The following SGCD variants were observed in gnomAD, a reference collection of about 807,000 sequenced individuals.
SGCD encodes sarcoglycan delta, also known as delta-sarcoglycan.
SGCD carries 18 observed loss-of-function variants against 36.6 expected under a neutral mutation model. The observed-to-expected ratio is 0.49, with a 90% CI of 0.34 to 0.73. The LOEUF (loss-of-function observed/expected upper bound fraction) is 0.73. SGCD is among the 30% of genes least tolerant of loss of function. SGCD has a pLI of 0.01. For missense variants in SGCD, 387 were observed against 346.7 expected (o/e 1.12, Z -0.92); for synonymous variants, 133 against 130.6 (o/e 1.02, Z -0.12).
chr5:156,283,175 A>G (rs1454389566), intron 3 of SGCD, among the ~76,000 whole-genome samples: 3 of 152,178 alleles, frequency 2.0e-5, no homozygotes, highest in East Asian at 3.9e-4. Context: ...GTAGAGGAGG[A>G]TGGGCAGGGT....
intron 3 of SGCD, among the ~76,000 whole-genome samples, chr5:156,270,055 G>A (rs1217146968): frequency 6.6e-6 from 1 of 152,144 alleles, no homozygotes; most frequent in Non-Finnish European, 1.5e-5. Context: ...TTTGTATTTG[G>A]TGTAAGGAAG....
At chr5:156,069,732 G>C (rs531422405) in intron 1 of SGCD, among the ~76,000 whole-genome samples, 1 of 147,926 alleles carries the variant, frequency 6.8e-6, no homozygotes, top group South Asian at 2.1e-4. Context: ...CCATTTTCAC[G>C]ATATTGATTC....
intron 3 of SGCD, among the ~76,000 whole-genome samples, chr5:156,274,767 A>T (rs996568748): frequency 6.6e-6 from 1 of 152,190 alleles, no homozygotes; most frequent in African/African-American, 2.4e-5. Context: ...TTGCTCAGCC[A>T]TGCTCCTAGC....
intron 6 of SGCD, among the ~76,000 whole-genome samples, chr5:156,600,713 A>G (rs1439549743): frequency 6.6e-6 from 1 of 152,130 alleles, no homozygotes; most frequent in African/African-American, 2.4e-5. Flanking sequence ...GCTGGATCAT[A>G]TGGTAGTTCT....
intron 3 of SGCD, among the ~76,000 whole-genome samples, chr5:156,475,988 G>C (rs1377023835): frequency 6.6e-6 from 1 of 152,186 alleles, no homozygotes; most frequent in South Asian, 2.1e-4. Flanking sequence ...ATCAGGGAGG[G>C]AGGCAATTGT....
chr5:156,523,700 C>T (rs543434412), intron 4 of SGCD, among the ~76,000 whole-genome samples: 1 of 152,084 alleles, frequency 6.6e-6, no homozygotes, highest in South Asian at 2.1e-4. Flanking sequence ...GATATTCTTA[C>T]ACGGTAGAGT....
intron 7 of SGCD, among the ~76,000 whole-genome samples, chr5:156,705,924 T>G (rs1041032257): frequency 6.6e-6 from 1 of 152,178 alleles, no homozygotes; most frequent in Non-Finnish European, 1.5e-5. Flanking sequence ...GTGTTTTCAT[T>G]CATGGTGAGT....
At chr5:155,785,095 G>A in the SGCD span, among the ~76,000 whole-genome samples, 354 of 152,042 alleles carry the variant, frequency 2.3e-3, 1 homozygote, top group Non-Finnish European at 3.5e-3. Flanking sequence ...TAATAGCACG[G>A]TGTTCATAGC....
At chr5:156,246,531 A>G (rs1765444459) in intron 3 of SGCD, among the ~76,000 whole-genome samples, 1 of 152,160 alleles carries the variant, frequency 6.6e-6, no homozygotes, top group South Asian at 2.1e-4. Flanking sequence ...TCTTTCACAT[A>G]TGCTGAACAG....
At chr5:155,982,659 A>G (rs1471468865) in intron 1 of SGCD, among the ~76,000 whole-genome samples, 1 of 152,164 alleles carries the variant, frequency 6.6e-6, no homozygotes, top group Non-Finnish European at 1.5e-5. Context: ...TTTCTTTGAC[A>G]GGTTTCCCAG....
intron 3 of SGCD, among the ~76,000 whole-genome samples, chr5:156,291,721 C>T (rs2127678383): frequency 6.6e-6 from 1 of 151,884 alleles, no homozygotes; most frequent in South Asian, 2.1e-4. Flanking sequence ...AGATTTTTTC[C>T]TTATATACTA....
At chr5:156,197,472 C>CTTTTGTTT in intron 3 of SGCD, among the ~76,000 whole-genome samples, 1 of 133,996 alleles carries the variant, frequency 7.5e-6, no homozygotes, top group East Asian at 2.3e-4. Context: ...AATAGTTTTC[C>CTTTTGTTT]TTTTTTTTTT....
chr5:156,351,322 G>A (rs977533614), intron 3 of SGCD, among the ~76,000 whole-genome samples: 12 of 152,154 alleles, frequency 7.9e-5, no homozygotes, highest in Non-Finnish European at 1.8e-4. Flanking sequence ...CACATAGGAA[G>A]AGTCAGTGTT....
intron 3 of SGCD, among the ~76,000 whole-genome samples, chr5:156,193,446 G>C (rs1046424583): frequency 1.3e-5 from 2 of 152,156 alleles, no homozygotes; most frequent in Non-Finnish European, 2.9e-5. Flanking sequence ...CTTCAGTTTA[G>C]TAACCTCCAA....
At chr5:156,030,987 G>A (rs1023420033) in intron 1 of SGCD, among the ~76,000 whole-genome samples, 5 of 152,112 alleles carry the variant, frequency 3.3e-5, no homozygotes, top group African/African-American at 1.2e-4. Flanking sequence ...CTAGACCATG[G>A]GCAGAAGGCC....
intron 1 of SGCD, among the ~76,000 whole-genome samples, chr5:155,913,026 G>C (rs1192523126): frequency 6.6e-6 from 1 of 152,098 alleles, no homozygotes; most frequent in Non-Finnish European, 1.5e-5. Context: ...TTTGCATTGT[G>C]ATGTATTTCT....
At chr5:156,284,949 T>G (rs1165887273) in intron 3 of SGCD, among the ~76,000 whole-genome samples, 1 of 152,188 alleles carries the variant, frequency 6.6e-6, no homozygotes, top group Non-Finnish European at 1.5e-5. Context: ...AAAATCTCTT[T>G]AAGCTGATAG....
At chr5:156,089,113 C>A (rs533891504) in intron 1 of SGCD, among the ~76,000 whole-genome samples, 14 of 152,290 alleles carry the variant, frequency 9.2e-5, no homozygotes, top group African/African-American at 3.4e-4. Flanking sequence ...AATGTCTGTT[C>A]TAATTATTGT....
At chr5:155,868,336 G>C (rs1261235828), upstream of SGCD, among the ~76,000 whole-genome samples, 2 of 150,330 alleles carry the variant, frequency 1.3e-5, no homozygotes, top group African/African-American at 2.4e-5. Context: ...ACAGGCATGA[G>C]CTACTGTATC....
Sources: gnomAD v4.1 joint callset for allele counts (sites outside exome capture counted in the v4.1 genomes callset) on GRCh38, gnomAD v4.1.1 for gene constraint, MANE v1.5 for transcripts, NCBI Gene and HGNC (gene_info 2026-07-23, HGNC 2026-07-21) for gene names.